Variants in AGBL4 observed in about 807,000 individuals in gnomAD.
The protein encoded by AGBL4 is AGBL carboxypeptidase 4, also known as cytosolic carboxypeptidase 6.
A neutral mutation model predicts 66.4 loss-of-function variants in AGBL4; 58 were observed. That is an observed-to-expected ratio of 0.87 (90% CI 0.71 to 1.09). The LOEUF is 1.09. AGBL4 is among the 50% of genes least tolerant of loss of function. AGBL4 has a pLI of 0.00. For missense variants in AGBL4, 579 were observed against 631.0 expected, an observed-to-expected ratio of 0.92 and a Z score of 0.88; for synonymous variants, 234 against 222.9, an observed-to-expected ratio of 1.05 and a Z score of -0.44.
At chr1:49,466,742 G>C (rs886648930) in intron 3 of AGBL4, among the ~76,000 whole-genome samples, 2 of 151,838 alleles carry the variant, frequency 1.3e-5, no homozygotes, top group African/African-American at 2.4e-5. Flanking sequence ...GAAGCAGCAT[G>C]AATTTTTAAA....
chr1:49,702,073 G>A (rs1042746832), intron 2 of AGBL4, among the ~76,000 whole-genome samples: 1 of 151,810 alleles, frequency 6.6e-6, no homozygotes, highest in South Asian at 2.1e-4. Context: ...AATAAATATG[G>A]ATATCTGAAT....
chr1:49,305,118 C>G (rs2148451144), intron 3 of AGBL4, among the ~76,000 whole-genome samples: 1 of 152,216 alleles, frequency 6.6e-6, no homozygotes, highest in South Asian at 2.1e-4. Context: ...TACATGAACC[C>G]AAGCAATCTG....
At chr1:49,696,818 G>C (rs117607278) in intron 3 of AGBL4, among the ~76,000 whole-genome samples, 1 of 152,092 alleles carries the variant, frequency 6.6e-6, no homozygotes. Flanking sequence ...ATATGGTTCC[G>C]AGTTTCCCAG....
At chr1:48,851,706 C>T (rs1050937295) in intron 6 of AGBL4, among the ~76,000 whole-genome samples, 1 of 152,150 alleles carries the variant, frequency 6.6e-6, no homozygotes, top group African/African-American at 2.4e-5. Flanking sequence ...TAAGGACATC[C>T]AGCCAGCCAT....
At chr1:48,651,470 G>C (rs1290533990) in intron 8 of AGBL4, among the ~76,000 whole-genome samples, 1 of 152,132 alleles carries the variant, frequency 6.6e-6, no homozygotes, top group Non-Finnish European at 1.5e-5. Context: ...TCTGACCGCT[G>C]CTCTTGTAAT....
chr1:48,769,258 T>C (rs565896887), intron 6 of AGBL4, among the ~76,000 whole-genome samples: 47 of 152,180 alleles, frequency 3.1e-4, no homozygotes, highest in Non-Finnish European at 5.0e-4. Context: ...GCCATCCACA[T>C]AGGGAGAGAA....
At chr1:49,406,970 C>T (rs959602286) in intron 3 of AGBL4, among the ~76,000 whole-genome samples, 1 of 142,870 alleles carries the variant, frequency 7.0e-6, no homozygotes, top group African/African-American at 2.7e-5. Flanking sequence ...TAGGCTGAGG[C>T]AGGAGAATGG....
chr1:49,072,126 C>A (rs1172014968), intron 4 of AGBL4, among the ~76,000 whole-genome samples: 1 of 152,040 alleles, frequency 6.6e-6, no homozygotes, highest in East Asian at 1.9e-4. Flanking sequence ...TTATTTTGAG[C>A]CTGTGTGTGT....
chr1:48,904,137 G>C (rs1051261373), intron 5 of AGBL4, among the ~76,000 whole-genome samples: 1 of 152,162 alleles, frequency 6.6e-6, no homozygotes, highest in East Asian at 1.9e-4. Flanking sequence ...AAATTAACTG[G>C]GTGTAGTGGT....
intron 4 of AGBL4, among the ~76,000 whole-genome samples, chr1:49,098,381 A>G (rs907396404): frequency 6.6e-6 from 1 of 152,210 alleles, no homozygotes; most frequent in Non-Finnish European, 1.5e-5. Context: ...TAGAAGACCC[A>G]ATATAGCACT....
chr1:49,758,596 C>A (rs1652071216), intron 2 of AGBL4, among the ~76,000 whole-genome samples: 1 of 152,142 alleles, frequency 6.6e-6, no homozygotes, highest in African/African-American at 2.4e-5. Flanking sequence ...GACTGCCCTG[C>A]TGGATTTCAG....
chr1:49,861,008 C>T (rs764320357), intron 1 of AGBL4, among the ~76,000 whole-genome samples: 27 of 152,220 alleles, frequency 1.8e-4, no homozygotes, highest in Admixed American at 3.3e-4. Context: ...GGGGAGAACA[C>T]AGTAATTGTG....
intron 1 of AGBL4, among the ~76,000 whole-genome samples, chr1:49,950,059 TACACAC>T (rs546432611): frequency 2.1e-5 from 3 of 141,738 alleles, no homozygotes; most frequent in South Asian, 4.3e-4. Context: ...TGTGTATATA[TACACAC>T]ATATATATAC....
chr1:49,409,285 C>T (rs1645269009), intron 3 of AGBL4, among the ~76,000 whole-genome samples: 1 of 152,012 alleles, frequency 6.6e-6, no homozygotes, highest in Non-Finnish European at 1.5e-5. Context: ...TGAGCTAGTG[C>T]CTATTTTTTA....
chr1:49,797,261 T>C (rs151175346), intron 2 of AGBL4, among the ~76,000 whole-genome samples: 129 of 152,304 alleles, frequency 8.5e-4, no homozygotes, highest in African/African-American at 3.1e-3. Flanking sequence ...GTTGCACAAA[T>C]CAGTGATGAA....
chr1:49,911,144 T>C (rs1334083947), intron 1 of AGBL4, among the ~76,000 whole-genome samples: 1 of 152,192 alleles, frequency 6.6e-6, no homozygotes, highest in East Asian at 1.9e-4. Context: ...TAGACTATTC[T>C]GGGCAGTTAT....
chr1:49,096,624 G>T (rs1645108818), intron 4 of AGBL4, among the ~76,000 whole-genome samples: 1 of 144,718 alleles, frequency 6.9e-6, no homozygotes, highest in South Asian at 2.2e-4. Context: ...TCACTCATAG[G>T]TGGGAACTGA....
At chr1:48,854,570 T>G (rs947694753) in intron 6 of AGBL4, among the ~76,000 whole-genome samples, 1 of 152,194 alleles carries the variant, frequency 6.6e-6, no homozygotes, top group Non-Finnish European at 1.5e-5. Context: ...GCCACAGAGA[T>G]AGTCACTGCA....
At chr1:49,706,381 G>A (rs149614852) in intron 2 of AGBL4, among the ~76,000 whole-genome samples, 4,631 of 152,006 alleles carry the variant, frequency 0.03, 94 homozygotes, top group Non-Finnish European at 0.047. Context: ...ATTTCTGTGG[G>A]GTCAGTGGTG....
Sources: gnomAD v4.1 joint callset for allele counts (sites outside exome capture counted in the v4.1 genomes callset) on GRCh38, gnomAD v4.1.1 for gene constraint, MANE v1.5 for transcripts, NCBI Gene and HGNC (gene_info 2026-07-23, HGNC 2026-07-21) for gene names.